Variants in NEB observed in about 807,000 individuals in gnomAD.
NEB encodes the protein nebulin.
NEB carries 512 observed loss-of-function variants against 952.2 expected under a neutral mutation model. The observed-to-expected ratio is 0.54, with a 90% CI of 0.50 to 0.58. NEB has a LOEUF of 0.58. Ranked by LOEUF, NEB falls within the 20% of genes least tolerant of loss-of-function variation. The probability of loss-of-function intolerance (pLI) is 0.00; values close to 1 mark genes in which losing one functional copy is unlikely to be tolerated. For synonymous variants in NEB, 2,900 were observed against 3,149.8 expected (o/e 0.92, Z 2.66); for missense variants, 8,428 against 9,231.1 (o/e 0.91, Z 3.56).
intron 107 of NEB, among the ~76,000 whole-genome samples, chr2:151,573,772 G>A (rs1372701435): frequency 6.6e-6 from 1 of 152,050 alleles, no homozygotes; most frequent in East Asian, 1.9e-4. Context: ...AGTAATTTCT[G>A]CGATCCATGA....
rs1416335492 is a variant in NEB at position 151,697,215 on chromosome 2, T to G, written c.1403A>C (p.Lys468Thr). ...AGTTATGGTCTGAGGGAAGAAGCCT[T>G]TGCCTCTGTCTTCTTCGTATTCTGC... Reference protein sequence around the residue: ...YKAEYEEDRGKGFFPQTITQE... With the variant: ...YKAEYEEDRGTGFFPQTITQE... The change falls in exon 16 of 182, where the codon AAA (lysine) becomes ACA (threonine). Residue 468 changes from lysine (K) to threonine (T), a missense_variant. Lys to Thr is a moderately conservative substitution (Grantham distance 78). Around this residue, in one of 11 missense-constraint regions of NEB, gnomAD observed 2,851 missense variants for 2,791.5 expected, o/e 1.02. Coordinates refer to ENST00000397345, the MANE Select transcript of NEB (RefSeq NM_001164508.2). 1 of 1,613,886 alleles carries G rather than the reference T, an allele frequency of 6.2e-7. No individual in the cohort carries two copies. The highest frequency in any genetic ancestry group is 8.5e-7 in the Non-Finnish European group (1 of 1,179,874).
At chr2:151,572,392 T>C (rs1046631604) in intron 107 of NEB, among the ~76,000 whole-genome samples, 2 of 151,414 alleles carry the variant, frequency 1.3e-5, no homozygotes, top group African/African-American at 2.4e-5. Flanking sequence ...TATTATGTTA[T>C]CTTTTTACTT....
intron 3 of NEB, among the ~76,000 whole-genome samples, chr2:151,732,814 C>T (rs770564265): frequency 4.6e-5 from 7 of 152,090 alleles, no homozygotes; most frequent in African/African-American, 1.2e-4. Flanking sequence ...CTTTGAACAT[C>T]GGGGTTGGGA....
At chr2:151,591,842 T>C (rs1276717194) in intron 95 of NEB, among the ~76,000 whole-genome samples, 192 bp downstream of exon 95, 2 of 152,308 alleles carry the variant, frequency 1.3e-5, no homozygotes, top group African/African-American at 4.8e-5. Context: ...CCATTTTTCC[T>C]TCCAACAAAC....
At chr2:151,695,862 A>G (rs890653478) in intron 17 of NEB, among the ~76,000 whole-genome samples, 180 bp from the exon 18 acceptor site, 11 of 152,160 alleles carry the variant, frequency 7.2e-5, no homozygotes, top group African/African-American at 2.7e-4. Context: ...CTATTATCAC[A>G]TCTGTCACCA....
rs76314607 is a variant in NEB, at chr2:151,679,263, A to G, written c.3255+458T>C. ...ATAAGAAATAAAATTCTTAACTGTA[A>G]TAGAACCCAAAGACTGGCTATTACA... On this transcript the variant is annotated intron_variant, in intron 32 of 181. Coordinates refer to ENST00000397345, the MANE Select transcript of NEB (RefSeq NM_001164508.2). Among the ~76,000 whole-genome samples the G allele has an allele frequency of 2.6e-4, 39 of 152,330 alleles. No individual in the cohort carries two copies. The East Asian group carries it at 6.6e-3, about 26-fold the overall frequency.
chr2:151,554,821 G>T, intron 125 of NEB, 110 bp downstream of exon 125: 1 of 812,540 alleles, frequency 1.2e-6, no homozygotes, highest in Non-Finnish European at 2.2e-6. Context: ...ATCCCATCTA[G>T]GTATGTGGAA....
intron 179 of NEB, 168 bp downstream of exon 179, chr2:151,491,515 A>G (rs1248760402): frequency 5.3e-6 from 3 of 570,290 alleles, no homozygotes; most frequent in East Asian, 3.1e-5. Context: ...GAACTTATCT[A>G]GAAAGTAAGT....
At position 151,513,508 on chromosome 2, in the gene NEB, C is replaced by G. The variant is rs563910276; in HGVS notation, c.23241+72G>C. On this transcript the variant is annotated intron_variant, in intron 160 of 181. Transcript: ENST00000397345. ...TGACTGTCACCAATAAATCAGATGA[C>G]AGAGGGACACTTTATGTCCTTAAAG... 28 of 1,091,910 alleles carry G rather than the reference C, an allele frequency of 2.6e-5. No individual in the cohort carries two copies. The South Asian group carries it at 4.0e-4, about 16-fold the overall frequency. 67.6% of individuals were successfully genotyped at this position (1,091,910 alleles called of 1,614,324 possible).
intron 124 of NEB, among the ~76,000 whole-genome samples, 172 bp from the exon 125 acceptor site, chr2:151,555,216 G>A (rs369085018): frequency 1.1e-4 from 16 of 152,282 alleles, no homozygotes; most frequent in African/African-American, 3.6e-4. Flanking sequence ...CAGCAGTAGC[G>A]CCTGCCATGG....
chr2:151,567,073 C>T lies in NEB; in HGVS notation c.18156+95G>A, dbSNP rs2096437110. 2.6e-6 allele frequency: 3 copies of T among 1,134,888 alleles called. No individual in the cohort carries two copies. The African/African-American group carries it at 4.7e-5, about 18-fold the overall frequency. 70.3% of individuals were successfully genotyped at this position (1,134,888 alleles called of 1,614,324 possible). On this transcript the variant is annotated intron_variant, in intron 114 of 181. Transcript: ENST00000397345. ...TGGGAACAAATTAAATATCGATGGCCTCAAATTTCAAGCACTTGTGGATCT... is the reference window on the plus strand; with the variant it reads ...TGGGAACAAATTAAATATCGATGGCTTCAAATTTCAAGCACTTGTGGATCT...
chr2:151,618,573 T>G, intron 73 of NEB, 95 bp from the exon 74 acceptor site: 2 of 1,185,854 alleles, frequency 1.7e-6, no homozygotes, highest in Non-Finnish European at 2.4e-6. Context: ...AAAATACCGA[T>G]GAATAGTTAA....
chr2:151,683,378 C>T (rs759806118), intron 28 of NEB, among the ~76,000 whole-genome samples: 26 of 152,090 alleles, frequency 1.7e-4, no homozygotes, highest in African/African-American at 2.2e-4. Flanking sequence ...AGTTACTTGA[C>T]GCTATTAAAA....
rs913038475 is a variant in NEB at position 151,529,289 on chromosome 2, C to A, written c.21656G>T (p.Arg7219Ile). 7 of 1,612,400 alleles carry A rather than the reference C, an allele frequency of 4.3e-6. No homozygotes were observed. The highest frequency in any genetic ancestry group is 5.9e-6 in the Non-Finnish European group (7 of 1,178,508). ...CTCAATGGTGCAGTTGGATTTATTT[C>A]TTTGGTATACTTCTTTGTATTTCAG... is the stretch of plus-strand genomic sequence containing the variant. The part of the protein sequence containing the change: ...SDLKYKEVYQ[R>I]NKSNCTIEPD... Residue 7219 changes from arginine to isoleucine, a missense_variant, in exon 146 of 182, where the codon AGA (arginine) becomes ATA (isoleucine). Arg to Ile is a moderately conservative substitution (Grantham distance 97). Transcript: ENST00000397345.
intron 47 of NEB, 23 bp from the exon 48 acceptor site, chr2:151,658,113 G>C (rs1433404979): frequency 6.8e-7 from 1 of 1,475,884 alleles, no homozygotes; most frequent in Non-Finnish European, 9.4e-7. Flanking sequence ...GCAAAGGGAA[G>C]AGTTTTCTTC....
At chr2:151,575,926 G>T in intron 106 of NEB, 127 bp from the exon 107 acceptor site, 1 of 800,142 alleles carries the variant, frequency 1.2e-6, no homozygotes, top group Non-Finnish European at 2.1e-6. Context: ...AAGATTTCTG[G>T]AATCTTTTCA....
chr2:151,675,486 T>C lies in NEB; in HGVS notation c.3775-95A>G, dbSNP rs574681426. ...TTTAGCACAATCACCCATGATTTTCTAGTGTTAAAAATCATCAAAGGCATT... is the reference window on the plus strand; with the variant it reads ...TTTAGCACAATCACCCATGATTTTCCAGTGTTAAAAATCATCAAAGGCATT... On this transcript the variant is annotated intron_variant, in intron 34 of 181. Coordinates refer to ENST00000397345, the MANE Select transcript of NEB (RefSeq NM_001164508.2). The C allele has an allele frequency of 1.8e-4, 148 of 823,586 alleles. 2 individuals are homozygous for C. The South Asian group carries it at 2.5e-3, about 14-fold the overall frequency. 51.0% of individuals were successfully genotyped at this position (823,586 alleles called of 1,614,324 possible).
chr2:151,554,132 G>A (rs1291237005), intron 125 of NEB, 107 bp from the exon 126 acceptor site: 2 of 973,172 alleles, frequency 2.1e-6, no homozygotes, highest in Admixed American at 2.0e-5. Context: ...GTTGGGGGCA[G>A]GGCAGTGACT....
rs546250852 is a variant in NEB, at chr2:151,725,487, C to T, written c.368G>A (p.Arg123His). The T allele has an allele frequency of 8.7e-6, 14 of 1,613,228 alleles. No individual in the cohort carries two copies. In the African/African-American group the frequency reaches 1.1e-4, roughly 12 times the overall value. ...TTGATCTTGTACTTTTTTGATTCTGCGAAGTTCTGGAGTATCTGTTGTGCT... is the reference window on the plus strand; with the variant it reads ...TTGATCTTGTACTTTTTTGATTCTGTGAAGTTCTGGAGTATCTGTTGTGCT... ...YASTTDTPEL[R>H]RIKKVQDQLS... is the part of the protein sequence containing the mutation. The change falls in exon 6 of 182, where the codon CGC becomes CAC. Residue 123 changes from arginine to histidine, a missense_variant. Coordinates refer to ENST00000397345, the MANE Select transcript of NEB (RefSeq NM_001164508.2).
Sources: gnomAD v4.1 joint callset for allele counts (sites outside exome capture counted in the v4.1 genomes callset) on GRCh38, gnomAD v4.1.1 for gene constraint, gnomAD v4.1.1 regional missense constraint, MANE v1.5 for transcripts, NCBI Gene and HGNC (gene_info 2026-07-23, HGNC 2026-07-21) for gene names.